The following UTP18 variants were observed in gnomAD, a reference collection of about 807,000 sequenced individuals.
The protein encoded by UTP18 is UTP18 small subunit processome component.
A neutral mutation model predicts 61.1 loss-of-function variants in UTP18; 36 were observed. The ratio of observed to expected loss-of-function variants is 0.59; its 90% CI spans 0.45 to 0.78. UTP18 has a LOEUF of 0.78. Ranked by LOEUF, UTP18 falls within the 30% of genes least tolerant of loss-of-function variation. The pLI is 0.00. For synonymous variants in UTP18, 282 were observed against 251.1 expected (o/e 1.12, Z -1.16); for missense variants, 753 against 693.9 (o/e 1.09, Z -0.96).
intron 2 of UTP18, among the ~76,000 whole-genome samples, chr17:51,264,045 T>G (rs1221597752): frequency 2.0e-5 from 3 of 151,764 alleles, no homozygotes; most frequent in Non-Finnish European, 4.4e-5. Context: ...TTTTTTTAAT[T>G]ATTTTTTTTG....
At chr17:51,261,785 C>T (rs2055493552) in intron 1 of UTP18, among the ~76,000 whole-genome samples, 1 of 152,044 alleles carries the variant, frequency 6.6e-6, no homozygotes, top group Non-Finnish European at 1.5e-5. Context: ...CGAGAATTAC[C>T]CAGGCCATGT....
intron 1 of UTP18, among the ~76,000 whole-genome samples, chr17:51,262,674 A>G (rs1261978534): frequency 2.6e-5 from 4 of 152,012 alleles, no homozygotes; most frequent in African/African-American, 4.8e-5. Context: ...CTGCCTCCCA[A>G]GTAGTTAGCT....
chr17:51,262,510 T>C (rs1315896814), intron 1 of UTP18, among the ~76,000 whole-genome samples: 1 of 152,184 alleles, frequency 6.6e-6, no homozygotes. Context: ...GACTGGAGTG[T>C]AGCGGCACCT....
At chr17:51,294,152 T>C in intron 12 of UTP18, 107 bp downstream of exon 12, 1 of 884,248 alleles carries the variant, frequency 1.1e-6, no homozygotes, top group Non-Finnish European at 1.5e-6. Flanking sequence ...TTCTAGTCTG[T>C]TTATCTTGAC....
chr17:51,288,163 T>C lies in UTP18; in HGVS notation c.1463T>C (p.Leu488Ser). 1 of 1,599,334 alleles carries C rather than the reference T, an allele frequency of 6.3e-7. No homozygotes were observed. Among genetic ancestry groups the C allele is most frequent in the Non-Finnish European group, 8.5e-7 (1 of 1,176,456 alleles). The change falls in exon 11 of 14, where the codon TTG becomes TCG. Residue 488 changes from leucine to serine, a missense_variant. Physicochemically the swap from Leu to Ser is moderately radical, Grantham distance 145. Transcript: ENST00000225298. ...SLTFNPTTEILAIASEKMKEA... is the reference protein window; with the variant it reads ...SLTFNPTTEISAIASEKMKEA... ...ACCTTCAATCCTACTACAGAAATCT[T>C]GGCAATTGCTTCAGAAAAAATGAAA... is the stretch of plus-strand genomic sequence containing the variant.
chr17:51,261,013 A>G, intron 1 of UTP18, 87 bp downstream of exon 1: 2 of 1,219,998 alleles, frequency 1.6e-6, no homozygotes, highest in Non-Finnish European at 2.1e-6. Flanking sequence ...AGCCTGGGCG[A>G]CCTGCGGCGG....
chr17:51,267,790 T>G (rs1023170733), intron 3 of UTP18, among the ~76,000 whole-genome samples: 1 of 152,076 alleles, frequency 6.6e-6, no homozygotes, highest in Non-Finnish European at 1.5e-5. Context: ...GTGGTGGTGA[T>G]GGGGTTCATC....
intron 10 of UTP18, among the ~76,000 whole-genome samples, 193 bp downstream of exon 10, chr17:51,285,561 T>TC (rs149233994): frequency 0.036 from 5,495 of 152,254 alleles, 219 homozygotes; most frequent in African/African-American, 0.096. Context: ...TTACAGTAGT[T>TC]CCCCCCTTAT....
intron 4 of UTP18, among the ~76,000 whole-genome samples, chr17:51,272,174 C>T (rs559383727): frequency 6.6e-6 from 1 of 152,246 alleles, no homozygotes; most frequent in Non-Finnish European, 1.5e-5. Flanking sequence ...TCTCAGCTCA[C>T]TGCAACCTCT....
At chr17:51,288,740 A>G (rs1285382974) in intron 11 of UTP18, 3 of 396,110 alleles carry the variant, frequency 7.6e-6, no homozygotes, top group Non-Finnish European at 1.5e-5. Context: ...GACTCTGCAT[A>G]TGTTCATTGA....
rs755331269 is a variant in UTP18, at chr17:51,288,190, A to C, written c.1490A>C (p.Glu497Ala). 1.9e-6 allele frequency: 3 copies of C among 1,586,636 alleles called. No individual in the cohort carries two copies. The highest frequency in any genetic ancestry group is 2.6e-6 in the Non-Finnish European group (3 of 1,172,946). The change falls in exon 11 of 14, where the codon GAA becomes GCA. Residue 497 changes from glutamate (E) to alanine (A), a missense_variant. Physicochemically the swap from Glu to Ala is moderately radical, Grantham distance 107. Transcript: ENST00000225298. ...GCAATTGCTTCAGAAAAAATGAAAG[A>C]AGCAGTCAGATTGGTAAATATTTCA... Reference protein sequence around the residue: ...ILAIASEKMKEAVRLVHLPSC... With the variant: ...ILAIASEKMKAAVRLVHLPSC...
intron 9 of UTP18, 54 bp downstream of exon 9, chr17:51,280,533 G>A (rs535197972): frequency 6.3e-7 from 1 of 1,577,030 alleles, no homozygotes; most frequent in East Asian, 2.3e-5. Flanking sequence ...TAAATTTTAG[G>A]CCAGGCGCGG....
Position 51,277,344 on chromosome 17 carries a change from C to G in UTP18, c.1012+40C>G, listed in dbSNP as rs371571229. The G allele has an allele frequency of 3.2e-5, 51 of 1,603,722 alleles. No individual in the cohort carries two copies. The African/African-American group carries it at 5.8e-4, about 18-fold the overall frequency. ...GAATGCACACAACCAGTCATTCCCCCCAAGGTGAGTTTATGTAACAGTGTT... is the reference window on the plus strand; with the variant it reads ...GAATGCACACAACCAGTCATTCCCCGCAAGGTGAGTTTATGTAACAGTGTT... On this transcript the variant is annotated intron_variant, in intron 7 of 13. Coordinates refer to ENST00000225298, the MANE Select transcript of UTP18 (RefSeq NM_016001.3).
intron 5 of UTP18, among the ~76,000 whole-genome samples, chr17:51,273,739 T>TAATAAATAAATAAATAAATAAATA (rs58946658): frequency 1.9e-3 from 262 of 141,078 alleles, no homozygotes; most frequent in East Asian, 3.3e-3. Context: ...GTCTCTAAAA[T>TAATAAATAAATAAATAAATAAATA]AATAAATAAA....
intron 12 of UTP18, among the ~76,000 whole-genome samples, chr17:51,295,414 A>G (rs1905341811): frequency 6.6e-6 from 1 of 152,212 alleles, no homozygotes; most frequent in Admixed American, 6.5e-5. Flanking sequence ...AGCTTTCTAC[A>G]TATGGCTAGC....
intron 11 of UTP18, among the ~76,000 whole-genome samples, chr17:51,289,821 G>A (rs1302631633): frequency 2.6e-5 from 4 of 152,222 alleles, no homozygotes; most frequent in South Asian, 2.1e-4. Context: ...AGAATATATC[G>A]TTTACAAAGA....
intron 11 of UTP18, among the ~76,000 whole-genome samples, chr17:51,290,430 C>CAAA (rs1905212636): frequency 6.6e-6 from 1 of 151,982 alleles, no homozygotes. Context: ...ACAACAACAA[C>CAAA]AACAACAAAA....
At chr17:51,295,295 A>G (rs1269570253) in intron 12 of UTP18, among the ~76,000 whole-genome samples, 1 of 152,028 alleles carries the variant, frequency 6.6e-6, no homozygotes, top group Non-Finnish European at 1.5e-5. Flanking sequence ...CCTGAATGGT[A>G]TTGCCTAGGT....
At chr17:51,274,923 C>A (rs911576490) in intron 5 of UTP18, among the ~76,000 whole-genome samples, 1 of 151,504 alleles carries the variant, frequency 6.6e-6, no homozygotes, top group Non-Finnish European at 1.5e-5. Context: ...CATGGCCGGG[C>A]GCAGTGGCTC....
Sources: allele counts gnomAD v4.1 joint callset (sites outside exome capture counted in the v4.1 genomes callset), GRCh38; gene constraint gnomAD v4.1.1; transcripts MANE v1.5; gene names NCBI Gene and HGNC (gene_info 2026-07-23, HGNC 2026-07-21).